LY6E: variants seen among roughly 807,000 people sequenced by gnomAD.
The protein encoded by LY6E is lymphocyte antigen 6E.
In LY6E, 4 loss-of-function variants were observed where a neutral mutation model predicts 7.7. The observed-to-expected ratio is 0.52, with a 90% confidence interval of 0.25 to 1.18. The LOEUF (loss-of-function observed/expected upper bound fraction) is 1.18, where lower values mean the gene tolerates loss of function less well. Ranked by LOEUF, LY6E falls within the 50% of genes most tolerant of loss-of-function variation. The pLI, the probability that LY6E is intolerant of heterozygous loss-of-function variation, is 0.14. For missense variants in LY6E, 156 were observed against 168.0 expected (o/e 0.93, Z 0.40); for synonymous variants, 81 against 80.1 (o/e 1.01, Z -0.06).
chr8:143,021,875 C>G lies in LY6E; in HGVS notation c.*86C>G. On this transcript the variant is annotated 3_prime_UTR_variant, in exon 4 of 4. Coordinates refer to ENST00000292494, the MANE Select transcript of LY6E (RefSeq NM_002346.3). ...TCCCACAGTGTATGGGAGCCCCTGA[C>G]TCCTCACGTGCCTGATCTGTGCCCT... is the stretch of plus-strand genomic sequence containing the variant. The G allele has an allele frequency of 1.6e-6, 2 of 1,232,762 alleles. No homozygotes were observed. Among genetic ancestry groups the G allele is most frequent in the South Asian group, 2.9e-5 (2 of 69,636 alleles). 76.4% of individuals were successfully genotyped at this position (1,232,762 alleles called of 1,614,324 possible). A position where few individuals can be genotyped will look rare whatever the true frequency, so the allele number is the denominator to read the frequency against.
In LY6E at chr8:143,020,941, TGAA is replaced by T. The variant is rs779461200; in HGVS notation, c.5_7del (p.Lys2?). 41 of 1,613,798 alleles carry T rather than the reference TGAA, an allele frequency of 2.5e-5. No individual in the cohort carries two copies. In the African/African-American group the frequency reaches 5.3e-4, roughly 21 times the overall value. ...GGCAGGACGGCCATCCTCTCCAGAA[TGAA>T]GATCTTCTTGCCAGTGCTGCTGGCT... is the stretch of plus-strand genomic sequence containing the variant. On this transcript the variant is annotated start_lost and inframe_deletion, in exon 2 of 4. Coordinates refer to ENST00000292494, the MANE Select transcript of LY6E (RefSeq NM_002346.3).
At chr8:143,021,167 C>T (rs549617362) in intron 2 of LY6E, 147 bp from the exon 3 acceptor site, 7 of 1,274,488 alleles carry the variant, frequency 5.5e-6, no homozygotes, top group Middle Eastern at 2.1e-4. Flanking sequence ...TTGACCTGCT[C>T]GACGGCCAGG....
intron 1 of LY6E, among the ~76,000 whole-genome samples, chr8:143,019,563 G>A (rs1359298722): frequency 2.0e-5 from 3 of 152,184 alleles, no homozygotes; most frequent in Admixed American, 2.0e-4. Flanking sequence ...TTCCTCCTCG[G>A]GCTACTCCCT....
At chr8:143,021,125 C>A in intron 2 of LY6E, 134 bp downstream of exon 2, 2 of 1,240,922 alleles carry the variant, frequency 1.6e-6, no homozygotes, top group Non-Finnish European at 1.1e-6. Context: ...CCCGGCCTGG[C>A]CACACTGTCT....
chr8:143,021,133 TCTCA>T, intron 2 of LY6E, 142 bp downstream of exon 2: 30 of 1,231,648 alleles, frequency 2.4e-5, no homozygotes, highest in Non-Finnish European at 3.3e-5. Context: ...GGCCACACTG[TCTCA>T]CTGTGTGTTT....
Position 143,021,797 on chromosome 8 carries a change from G to A in LY6E, c.*8G>A. 1 of 1,590,674 alleles carries A rather than the reference G, an allele frequency of 6.3e-7. No individual in the cohort carries two copies. The highest frequency in any genetic ancestry group is 1.1e-5 in the South Asian group (1 of 89,024). ...CTGCGGTTTGGCCCCTGACCGCCCA[G>A]ACCCTGTCCCCCGATCCCCCAGCTC... On this transcript the variant is annotated 3_prime_UTR_variant, in exon 4 of 4. Coordinates refer to ENST00000292494, the MANE Select transcript of LY6E (RefSeq NM_002346.3).
chr8:143,021,794 C>T lies in LY6E; in HGVS notation c.*5C>T, dbSNP rs1355624751. ...CTGCTGCGGTTTGGCCCCTGACCGC[C>T]CAGACCCTGTCCCCCGATCCCCCAG... On this transcript the variant is annotated 3_prime_UTR_variant, in exon 4 of 4. Transcript: ENST00000292494. The T allele has an allele frequency of 3.8e-6, 6 of 1,592,476 alleles. No homozygotes were observed. The highest frequency in any genetic ancestry group is 5.1e-6 in the Non-Finnish European group (6 of 1,171,886).
At chr8:143,019,442 C>G (rs546609087) in intron 1 of LY6E, among the ~76,000 whole-genome samples, 1 of 152,350 alleles carries the variant, frequency 6.6e-6, no homozygotes, top group South Asian at 2.1e-4. Context: ...GCGGCACCAG[C>G]TGGACCTGTT....
In LY6E at chr8:143,021,876, T is replaced by A; in HGVS notation, c.*87T>A. 8.2e-7 allele frequency: 1 copy of A among 1,221,634 alleles called. No individual in the cohort carries two copies. Among genetic ancestry groups the A allele is most frequent in the South Asian group, 1.4e-5 (1 of 69,088 alleles). The allele number at this position is 1,221,634 out of a possible 1,614,324, so 75.7% of individuals were successfully genotyped here. ...CCCACAGTGTATGGGAGCCCCTGAC[T>A]CCTCACGTGCCTGATCTGTGCCCTT... On this transcript the variant is annotated 3_prime_UTR_variant, in exon 4 of 4. Transcript: ENST00000292494.
Position 143,021,678 on chromosome 8 carries a change from C to A in LY6E, c.285C>A (p.Ser95Arg). Reference sequence around the variant, plus strand: ...CCATGGGCATCAGCTGCTGCCAGAGCTTTCTGTGCAATTTCAGTGCGGCCG... The same window carrying A: ...CCATGGGCATCAGCTGCTGCCAGAGATTTCTGTGCAATTTCAGTGCGGCCG... ...VASMGISCCQ[S>R]FLCNFSAADG... is the part of the protein sequence containing the mutation. The change falls in exon 4 of 4, where the codon AGC (serine) becomes AGA (arginine). Residue 95 changes from serine (S) to arginine (R), a missense_variant. Transcript: ENST00000292494. 6.2e-7 allele frequency: 1 copy of A among 1,613,760 alleles called. No individual in the cohort carries two copies. Among genetic ancestry groups the A allele is most frequent in the South Asian group, 1.1e-5 (1 of 91,084 alleles).
chr8:143,021,455 G>A lies in LY6E; in HGVS notation c.172+22G>A, dbSNP rs111344770. ...ATTGGTGAGTGCCAGGCCTCAGACCGTGCCTTCCTCCCCTGGCCATCTCCC... is the reference window on the plus strand; with the variant it reads ...ATTGGTGAGTGCCAGGCCTCAGACCATGCCTTCCTCCCCTGGCCATCTCCC... On this transcript the variant is annotated intron_variant, in intron 3 of 3. Coordinates refer to ENST00000292494, the MANE Select transcript of LY6E (RefSeq NM_002346.3). 6,873 of 1,613,746 alleles carry A rather than the reference G, an allele frequency of 4.3e-3. 267 individuals carry two copies. In the African/African-American group the frequency reaches 0.082, roughly 19 times the overall value.
intron 1 of LY6E, among the ~76,000 whole-genome samples, chr8:143,019,501 C>T (rs1819162760): frequency 6.6e-6 from 1 of 152,196 alleles, no homozygotes; most frequent in Non-Finnish European, 1.5e-5. Flanking sequence ...AGGGACCCCC[C>T]CACACCAGAA....
rs1319919458 is a variant in LY6E at position 143,021,855 on chromosome 8, C to T, written c.*66C>T. 7.0e-7 allele frequency: 1 copy of T among 1,422,706 alleles called. No individual in the cohort carries two copies. Among genetic ancestry groups the T allele is most frequent in the Non-Finnish European group, 9.5e-7 (1 of 1,048,458 alleles). The allele number at this position is 1,422,706 out of a possible 1,614,324, so 88.1% of individuals were successfully genotyped here. A position where few individuals can be genotyped will look rare whatever the true frequency, so the allele number is the denominator to read the frequency against. ...AAAGCCCAGCCCTTTCTGGATCCCA[C>T]AGTGTATGGGAGCCCCTGACTCCTC... On this transcript the variant is annotated 3_prime_UTR_variant, in exon 4 of 4. Transcript: ENST00000292494.
chr8:143,021,220 G>C, intron 2 of LY6E, 94 bp from the exon 3 acceptor site: 1 of 1,525,514 alleles, frequency 6.6e-7, no homozygotes, highest in South Asian at 1.2e-5. Context: ...CCCAGGGCCT[G>C]GTATACAGTA....
chr8:143,018,531 A>C lies in LY6E; in HGVS notation c.-113A>C. 1 of 161,188 alleles carries C rather than the reference A, an allele frequency of 6.2e-6. No homozygotes were observed. Among genetic ancestry groups the C allele is most frequent in the Non-Finnish European group, 1.3e-5 (1 of 74,840 alleles). The allele number at this position is 161,188 out of a possible 1,614,324, so 10.0% of individuals were successfully genotyped here. ...AGGCTCCGGGCCAGCCGCGGTCCAG[A>C]GCGCGCGAGGTTCGGGGAGCTCGGC... On this transcript the variant is annotated 5_prime_UTR_variant, in exon 1 of 4. Transcript: ENST00000292494.
Sources: gnomAD v4.1 joint callset for allele counts (sites outside exome capture counted in the v4.1 genomes callset) on GRCh38, gnomAD v4.1.1 for gene constraint, MANE v1.5 for transcripts, NCBI Gene and HGNC (gene_info 2026-07-23, HGNC 2026-07-21) for gene names.